The following SYNE2 variants were observed in gnomAD, a reference collection of about 807,000 sequenced individuals.
SYNE2 encodes the protein nesprin-2.
SYNE2 carries 431 observed loss-of-function variants against 856.3 expected under a neutral mutation model. The observed-to-expected ratio is 0.50, with a 90% confidence interval of 0.47 to 0.55. The LOEUF (loss-of-function observed/expected upper bound fraction) is 0.55. SYNE2 is among the 20% of genes least tolerant of loss of function. SYNE2 has a pLI of 0.00. For missense variants in SYNE2, 8,129 were observed against 8,023.2 expected (o/e 1.01, Z -0.50); for synonymous variants, 2,923 against 2,872.3 (o/e 1.02, Z -0.56).
intron 1 of SYNE2, among the ~76,000 whole-genome samples, chr14:63,867,019 T>A (rs189112176): frequency 6.6e-6 from 1 of 152,218 alleles, no homozygotes; most frequent in African/African-American, 2.4e-5. Context: ...ACACTTTACA[T>A]GCACCATCTC....
intron 77 of SYNE2, 52 bp downstream of exon 77, chr14:64,132,490 A>G (rs368284614): frequency 3.4e-5 from 55 of 1,604,192 alleles, no homozygotes; most frequent in Non-Finnish European, 2.3e-5. Context: ...CTGATTTTCC[A>G]TCACCACCCC....
chr14:63,874,209 A>G (rs138490785), intron 1 of SYNE2, among the ~76,000 whole-genome samples: 7 of 152,234 alleles, frequency 4.6e-5, no homozygotes, highest in African/African-American at 1.4e-4. Flanking sequence ...CGTGTTGTTC[A>G]TTGTAGTTCT....
At chr14:64,137,538 A>C (rs534733066) in intron 78 of SYNE2, among the ~76,000 whole-genome samples, 58 of 152,360 alleles carry the variant, frequency 3.8e-4, no homozygotes, top group Middle Eastern at 3.4e-3. Flanking sequence ...GGTATGAGCC[A>C]CTGCATCCAG....
Position 64,022,163 on chromosome 14 carries a change from T to G in SYNE2, c.5524+135T>G, listed in dbSNP as rs17101566. 38,035 of 855,120 alleles carry G rather than the reference T, an allele frequency of 0.044. 1,107 individuals are homozygous for G. Among genetic ancestry groups the G allele is most frequent in the Admixed American group, 0.11 (4,538 of 43,196 alleles). The allele number at this position is 855,120 out of a possible 1,614,324, so 53.0% of individuals were successfully genotyped here. A position where few individuals can be genotyped will look rare whatever the true frequency, so the allele number is the denominator to read the frequency against. ...TACATTCAAGGAAATAATAATCAGATAAATCTTTTGGGAGCAAAGACTGAT... is the reference window on the plus strand; with the variant it reads ...TACATTCAAGGAAATAATAATCAGAGAAATCTTTTGGGAGCAAAGACTGAT... On this transcript the variant is annotated intron_variant, in intron 37 of 115. Transcript: ENST00000555002.
chr14:63,882,207 A>G (rs2094881017), intron 1 of SYNE2, among the ~76,000 whole-genome samples: 1 of 152,186 alleles, frequency 6.6e-6, no homozygotes, highest in African/African-American at 2.4e-5. Context: ...CATCCTGACA[A>G]ATGTCAACTT....
chr14:63,939,325 C>T (rs928019406), intron 2 of SYNE2, among the ~76,000 whole-genome samples: 1 of 150,448 alleles, frequency 6.6e-6, no homozygotes, highest in Non-Finnish European at 1.5e-5. Flanking sequence ...TTCCCCTTGA[C>T]TCCTACCTGG....
At chr14:63,933,869 G>A (rs1345482437) in intron 2 of SYNE2, among the ~76,000 whole-genome samples, 1 of 152,058 alleles carries the variant, frequency 6.6e-6, no homozygotes, top group Non-Finnish European at 1.5e-5. Flanking sequence ...TTCCCCAATG[G>A]GTCAGCCTTT....
chr14:63,875,997 G>A (rs914354483), intron 1 of SYNE2, among the ~76,000 whole-genome samples: 1 of 151,966 alleles, frequency 6.6e-6, no homozygotes, highest in Non-Finnish European at 1.5e-5. Context: ...TGACTTGGCT[G>A]TACTCTAGGG....
chr14:64,023,548 A>C (rs935493442), intron 38 of SYNE2: 1 of 152,626 alleles, frequency 6.6e-6, no homozygotes, highest in Admixed American at 6.5e-5. Flanking sequence ...ATCTTTTTCC[A>C]GTTATATTTC....
At chr14:63,993,630 CTT>C (rs2096687091) in intron 21 of SYNE2, among the ~76,000 whole-genome samples, 3 of 152,178 alleles carry the variant, frequency 2.0e-5, no homozygotes, top group Admixed American at 2.0e-4. Flanking sequence ...TTTTGGCACT[CTT>C]TTGAAAAGAA....
In SYNE2 at chr14:64,186,593, C is replaced by T; in HGVS notation, c.17712+14C>T. 1 of 1,614,122 alleles carries T rather than the reference C, an allele frequency of 6.2e-7. No homozygotes were observed. The highest frequency in any genetic ancestry group is 8.5e-7 in the Non-Finnish European group (1 of 1,180,004). On this transcript the variant is annotated intron_variant, in intron 97 of 115. Transcript: ENST00000555002. Reference sequence around the variant, plus strand: ...CTCTGCTTAAGGGTAAGTCAGCTCACTGCAGGGCACGGCTGTTTGGGAGTG... The same window carrying T: ...CTCTGCTTAAGGGTAAGTCAGCTCATTGCAGGGCACGGCTGTTTGGGAGTG...
intron 1 of SYNE2, among the ~76,000 whole-genome samples, chr14:63,876,558 G>A (rs1345432155): frequency 6.7e-6 from 1 of 149,490 alleles, no homozygotes; most frequent in African/African-American, 2.5e-5. Flanking sequence ...CGTGATTTCC[G>A]CTCACTGCAA....
intron 1 of SYNE2, among the ~76,000 whole-genome samples, chr14:63,885,171 G>A (rs1024715596): frequency 1.3e-5 from 2 of 152,144 alleles, no homozygotes; most frequent in African/African-American, 2.4e-5. Flanking sequence ...GGAAGATTGA[G>A]CCATCTAGGC....
intron 108 of SYNE2, chr14:64,218,193 T>C: frequency 1.8e-6 from 1 of 549,340 alleles, no homozygotes; most frequent in Non-Finnish European, 3.3e-6. Context: ...TCCCTGGGCC[T>C]TAGCTGAGGC....
chr14:64,189,702 AC>A (rs1381398069), intron 98 of SYNE2, among the ~76,000 whole-genome samples: 2 of 152,204 alleles, frequency 1.3e-5, no homozygotes, highest in African/African-American at 4.8e-5. Flanking sequence ...AGGTTTTGAG[AC>A]AGTGTCTCAC....
chr14:63,847,585 A>AT lies in SYNE2; in HGVS notation c.-304-4898dup, dbSNP rs1194475873. Among the ~76,000 whole-genome samples, 904 of 137,554 alleles carry AT rather than the reference A, an allele frequency of 6.6e-3. 4 individuals carry two copies. The highest frequency in any genetic ancestry group is 0.011 in the African/African-American group (402 of 37,474). 90.2% of individuals were successfully genotyped at this position (137,554 alleles called of 152,430 possible). A position where few individuals can be genotyped will look rare whatever the true frequency, so the allele number is the denominator to read the frequency against. On this transcript the variant is annotated intron_variant, in intron 1 of 23. Coordinates refer to the SYNE2 transcript ENST00000674003. ...TGCTTGGGAAGAAAGTATGTTCTGTATTTTTTTTTTTTTTTTTTGAGACGG... is the reference window on the plus strand; with the variant it reads ...TGCTTGGGAAGAAAGTATGTTCTGTATTTTTTTTTTTTTTTTTTTGAGACGG...
intron 1 of SYNE2, among the ~76,000 whole-genome samples, chr14:63,796,212 G>A (rs1394001608): frequency 6.6e-6 from 1 of 152,162 alleles, no homozygotes; most frequent in Non-Finnish European, 1.5e-5. Context: ...TGTAATCTGA[G>A]CACTTTGGGA....
intron 6 of SYNE2, among the ~76,000 whole-genome samples, chr14:63,948,722 G>GTGTATATATATATATGTATATA (rs1555393492): frequency 3.0e-5 from 3 of 101,554 alleles, no homozygotes; most frequent in African/African-American, 8.1e-5. Context: ...ATATATGTGT[G>GTGTATATATATATATGTATATA]TATATATATG....
intron 66 of SYNE2, among the ~76,000 whole-genome samples, chr14:64,115,033 CAATGCTATGCTA>C (rs2097843441): frequency 6.6e-6 from 1 of 152,170 alleles, no homozygotes; most frequent in Non-Finnish European, 1.5e-5. Context: ...CAGCACAGAG[CAATGCTATGCTA>C]AACTCAACTC....
Sources: allele counts gnomAD v4.1 joint callset (sites outside exome capture counted in the v4.1 genomes callset), GRCh38; gene constraint gnomAD v4.1.1; transcripts MANE v1.5; gene names NCBI Gene and HGNC (gene_info 2026-07-23, HGNC 2026-07-21).